LRP1B: variants seen among roughly 807,000 people sequenced by gnomAD.
LRP1B encodes the protein LDL receptor related protein 1B.
A neutral mutation model predicts 556.6 loss-of-function variants in LRP1B; 217 were observed. The ratio of observed to expected loss-of-function variants is 0.39; its 90% CI spans 0.35 to 0.44. The LOEUF is 0.44. LRP1B is among the 20% of genes least tolerant of loss of function. The pLI is 1.00. For missense variants in LRP1B, 5,053 were observed against 5,620.8 expected (o/e 0.90, Z 3.23); for synonymous variants, 2,047 against 1,865.8 (o/e 1.10, Z -2.50).
At chr2:140,892,525 C>G (rs57626670) in intron 23 of LRP1B, among the ~76,000 whole-genome samples, 4 of 152,062 alleles carry the variant, frequency 2.6e-5, no homozygotes. Flanking sequence ...GAGAAAATGA[C>G]AGAGTGGATA....
At chr2:141,837,270 C>G (rs72993061) in intron 1 of LRP1B, among the ~76,000 whole-genome samples, 2 of 151,886 alleles carry the variant, frequency 1.3e-5, no homozygotes, top group Admixed American at 6.6e-5. Flanking sequence ...AAGTTGCCAT[C>G]GAAGGGTAAG....
intron 1 of LRP1B, among the ~76,000 whole-genome samples, chr2:141,942,901 T>TG (rs1553488642): frequency 6.6e-6 from 1 of 152,140 alleles, no homozygotes; most frequent in Non-Finnish European, 1.5e-5. Flanking sequence ...TTCAGGAACA[T>TG]GGGGTTTTTG....
chr2:142,072,036 C>G (rs550625186), intron 1 of LRP1B, among the ~76,000 whole-genome samples: 9 of 152,074 alleles, frequency 5.9e-5, no homozygotes, highest in Admixed American at 3.9e-4. Context: ...CTCTCATTCC[C>G]CATGCCCGAA....
intron 2 of LRP1B, among the ~76,000 whole-genome samples, chr2:141,523,495 T>C (rs1474073366): frequency 2.0e-5 from 3 of 152,066 alleles, no homozygotes; most frequent in African/African-American, 4.8e-5. Context: ...ACCTTACATG[T>C]GGTCCAACAC....
intron 3 of LRP1B, among the ~76,000 whole-genome samples, chr2:141,373,013 T>C (rs1056869079): frequency 6.6e-6 from 1 of 152,234 alleles, no homozygotes; most frequent in East Asian, 1.9e-4. Flanking sequence ...TGCTATAAAC[T>C]TAGCACTAGG....
At chr2:142,029,334 G>T (rs1035012486) in intron 1 of LRP1B, among the ~76,000 whole-genome samples, 2 of 151,876 alleles carry the variant, frequency 1.3e-5, no homozygotes, top group African/African-American at 4.8e-5. Flanking sequence ...ATTCTGGTGA[G>T]AATGTGGAGC....
At chr2:140,398,519 T>TTTGTTGTTGTTG (rs6146936) in intron 66 of LRP1B, among the ~76,000 whole-genome samples, 40,489 of 151,190 alleles carry the variant, frequency 0.27, 5,658 homozygotes, top group East Asian at 0.5. Context: ...TTCTTTCTCT[T>TTTGTTGTTGTTG]TTGTTGTTGT....
intron 2 of LRP1B, among the ~76,000 whole-genome samples, chr2:141,758,033 T>C (rs1462077671): frequency 6.6e-6 from 1 of 152,152 alleles, no homozygotes; most frequent in Non-Finnish European, 1.5e-5. Context: ...CAAAACAGGT[T>C]ATGCGTAGCT....
At chr2:141,397,523 C>A (rs1260172249) in intron 3 of LRP1B, among the ~76,000 whole-genome samples, 1 of 151,472 alleles carries the variant, frequency 6.6e-6, no homozygotes, top group East Asian at 1.9e-4. Flanking sequence ...TATTAATACA[C>A]AATATTGGAA....
chr2:140,248,105 A>T (rs1466681301), intron 86 of LRP1B, among the ~76,000 whole-genome samples: 1 of 151,702 alleles, frequency 6.6e-6, no homozygotes, highest in Non-Finnish European at 1.5e-5. Flanking sequence ...CTGCAATTTC[A>T]GTGTCTCTGC....
chr2:141,940,770 G>A (rs1015834355), intron 1 of LRP1B, among the ~76,000 whole-genome samples: 2 of 152,136 alleles, frequency 1.3e-5, no homozygotes, highest in Admixed American at 1.3e-4. Flanking sequence ...AATGCTAGCA[G>A]TTTTCAGAGT....
chr2:141,976,616 G>C (rs1701895184), intron 1 of LRP1B, among the ~76,000 whole-genome samples: 1 of 152,072 alleles, frequency 6.6e-6, no homozygotes, highest in South Asian at 2.1e-4. Flanking sequence ...GTTAGGTTAA[G>C]AATATAGTGA....
At chr2:142,056,212 C>T (rs767566261) in intron 1 of LRP1B, among the ~76,000 whole-genome samples, 10 of 151,932 alleles carry the variant, frequency 6.6e-5, no homozygotes, top group Admixed American at 2.6e-4. Context: ...GGTTTTATCT[C>T]CAACAAGAAA....
At chr2:141,222,255 C>G (rs1683077543) in intron 6 of LRP1B, among the ~76,000 whole-genome samples, 1 of 152,060 alleles carries the variant, frequency 6.6e-6, no homozygotes, top group Non-Finnish European at 1.5e-5. Context: ...TGAATACTAT[C>G]AACACCTCTA....
chr2:141,855,139 A>G (rs1210022916), intron 1 of LRP1B, among the ~76,000 whole-genome samples: 1 of 152,046 alleles, frequency 6.6e-6, no homozygotes, highest in Non-Finnish European at 1.5e-5. Context: ...TTGTGTGAAC[A>G]TAAGGATTGG....
At chr2:141,513,599 TG>T (rs1447043805) in intron 2 of LRP1B, among the ~76,000 whole-genome samples, 1 of 152,156 alleles carries the variant, frequency 6.6e-6, no homozygotes, top group African/African-American at 2.4e-5. Context: ...TGCATTTTTA[TG>T]ACAGATAACT....
chr2:141,471,998 T>TCTCTTCAA (rs1682492050), intron 3 of LRP1B, among the ~76,000 whole-genome samples: 1 of 152,216 alleles, frequency 6.6e-6, no homozygotes, highest in African/African-American at 2.4e-5. Flanking sequence ...CATTAATATG[T>TCTCTTCAA]CTCTTCAACT....
At chr2:141,424,809 T>G (rs896217276) in intron 3 of LRP1B, among the ~76,000 whole-genome samples, 1 of 152,228 alleles carries the variant, frequency 6.6e-6, no homozygotes, top group Non-Finnish European at 1.5e-5. Flanking sequence ...ATTTACTCAA[T>G]GCACATTCCT....
intron 21 of LRP1B, among the ~76,000 whole-genome samples, chr2:140,915,734 A>C (rs1023214206): frequency 2.0e-5 from 3 of 151,980 alleles, no homozygotes; most frequent in African/African-American, 7.2e-5. Context: ...AGAATTGTTT[A>C]TTCTTCTTTA....
Sources: gnomAD v4.1 joint callset for allele counts (sites outside exome capture counted in the v4.1 genomes callset) on GRCh38, gnomAD v4.1.1 for gene constraint, MANE v1.5 for transcripts, NCBI Gene and HGNC (gene_info 2026-07-23, HGNC 2026-07-21) for gene names.